TNXB: variants seen among roughly 807,000 people sequenced by gnomAD.
The protein encoded by TNXB is tenascin-X.
In TNXB, 183 loss-of-function variants were observed where a neutral mutation model predicts 340.5. That is an observed-to-expected ratio of 0.54 (90% CI 0.48 to 0.61). TNXB has a LOEUF of 0.61. TNXB is among the 20% of genes least tolerant of loss of function. The probability of loss-of-function intolerance (pLI) is 0.00; values close to 1 mark genes in which losing one functional copy is unlikely to be tolerated. For synonymous variants in TNXB, 2,121 were observed against 2,314.5 expected (o/e 0.92, Z 2.40); for missense variants, 4,613 against 5,446.4 (o/e 0.85, Z 4.82).
chr6:32,088,684 A>G (rs1388616310), intron 6 of TNXB, 101 bp downstream of exon 6: 2 of 1,470,176 alleles, frequency 1.4e-6, no homozygotes, highest in Non-Finnish European at 1.8e-6. Flanking sequence ...CACCTGCCAG[A>G]AGCATTCAGA....
Position 32,053,714 on chromosome 6 carries a change from G to A in TNXB, c.8468-3C>T, listed in dbSNP as rs763771240. ...GGTCTCTGCTTCATCCTCTGGAGCT[G>A]GACAGACACGTGTGGGGAGAGTGAG... On this transcript the variant is annotated splice_region_variant and splice_polypyrimidine_tract_variant and intron_variant, in intron 24 of 43. Coordinates refer to ENST00000644971, the MANE Select transcript of TNXB (RefSeq NM_001365276.2). 1.2e-6 allele frequency: 2 copies of A among 1,610,130 alleles called. No individual in the cohort carries two copies. The highest frequency in any genetic ancestry group is 2.2e-5 in the East Asian group (1 of 44,806).
rs999457867 is a variant in TNXB, at chr6:32,067,636, A to G, written c.6544+25T>C. The G allele has an allele frequency of 6.2e-7, 1 of 1,605,196 alleles. No individual in the cohort carries two copies. Among genetic ancestry groups the G allele is most frequent in the African/African-American group, 1.3e-5 (1 of 74,550 alleles). ...GCTGTACTTTGCTAAGACCCAACCC[A>G]GAGGGCTCTGCAGTGCACACTCACC... On this transcript the variant is annotated intron_variant, in intron 18 of 43. Transcript: ENST00000644971. This position sits in a 1 kb window ranked among gnomAD's most constrained non-coding sequence, Gnocchi z 4.2.
At position 32,053,353 on chromosome 6, in the gene TNXB, C is replaced by T. The variant is rs11969759; in HGVS notation, c.8791+35G>A. The T allele has an allele frequency of 0.067, 107,819 of 1,598,890 alleles. 4,558 individuals are homozygous for T. Among genetic ancestry groups the T allele is most frequent in the African/African-American group, 0.16 (12,134 of 74,666 alleles). On this transcript the variant is annotated intron_variant, in intron 25 of 43. Coordinates refer to ENST00000644971, the MANE Select transcript of TNXB (RefSeq NM_001365276.2). Reference sequence around the variant, plus strand: ...CACCAGAGAAAGGGAGACCCTCCCACAGGCCCCACTCTGGGGCTCCCATCG... The same window carrying T: ...CACCAGAGAAAGGGAGACCCTCCCATAGGCCCCACTCTGGGGCTCCCATCG...
intron 11 of TNXB, chr6:32,078,730 T>C: frequency 2.6e-6 from 1 of 389,744 alleles, no homozygotes; most frequent in Non-Finnish European, 4.6e-6. Flanking sequence ...ACTGGCAGCA[T>C]ATTTACTTTT....
chr6:32,059,947 C>T (rs1013331838), intron 21 of TNXB, among the ~76,000 whole-genome samples: 1 of 152,022 alleles, frequency 6.6e-6, no homozygotes, highest in Non-Finnish European at 1.5e-5. Context: ...GAAAAGGCAG[C>T]CTGACTGAGC....
rs1426864732 is a variant in TNXB at position 32,096,864 on chromosome 6, G to T, written c.989C>A (p.Pro330His). 1 of 1,607,998 alleles carries T rather than the reference G, an allele frequency of 6.2e-7. No homozygotes were observed. Residue 330 changes from proline to histidine, a missense_variant, in exon 3 of 44, where the codon CCC (proline) becomes CAC (histidine). By Grantham distance (77) the Pro-to-His change is moderately conservative. Around this residue, in one of 7 missense-constraint regions of TNXB, gnomAD observed 4,327 missense variants for 4,859.4 expected, o/e 0.89. Transcript: ENST00000644971. ...ACCACAGTCCTCGCCAGTGTAGCCG[G>T]GGTCACACACGCAGCGCCCGTCCTT... ...RCKDGRCVCD[P>H]GYTGEDCGTR... is the part of the protein sequence containing the mutation.
intron 6 of TNXB, 133 bp from the exon 7 acceptor site, chr6:32,086,251 C>T: frequency 3.7e-6 from 4 of 1,085,652 alleles, no homozygotes; most frequent in Admixed American, 3.0e-5. Flanking sequence ...CTCACCTGGG[C>T]CACTCCCTCC....
intron 3 of TNXB, among the ~76,000 whole-genome samples, 158 bp from the exon 4 acceptor site, chr6:32,095,349 C>A (rs1240564261): frequency 6.6e-6 from 1 of 152,128 alleles, no homozygotes; most frequent in Non-Finnish European, 1.5e-5. Context: ...GGGCTTGGAT[C>A]GCCTTCACCT....
rs1280219641 is a variant in TNXB at position 32,056,909 on chromosome 6, G to A, written c.7826-6C>T. 6.8e-6 allele frequency: 11 copies of A among 1,610,450 alleles called. No individual in the cohort carries two copies. Among genetic ancestry groups the A allele is most frequent in the Admixed American group, 3.3e-5 (2 of 59,960 alleles). On this transcript the variant is annotated splice_region_variant and splice_polypyrimidine_tract_variant and intron_variant, in intron 22 of 43. Transcript: ENST00000644971. Reference sequence around the variant, plus strand: ...GGTGGTCTCGGCTTCATCCTCTGGAGTTGGACAGACACGTGTGGGGACAGT... The same window carrying A: ...GGTGGTCTCGGCTTCATCCTCTGGAATTGGACAGACACGTGTGGGGACAGT...
At position 32,072,907 on chromosome 6, in the gene TNXB, C is replaced by T. The variant is rs1275429157; in HGVS notation, c.4682-609G>A. On this transcript the variant is annotated intron_variant, in intron 12 of 43. Coordinates refer to ENST00000644971, the MANE Select transcript of TNXB (RefSeq NM_001365276.2). This position sits in a 1 kb window ranked among gnomAD's most constrained non-coding sequence, Gnocchi z 4.4. ...CGGAGGTTGCAGTGAGCCGAGATCG[C>T]GCCATTGCACTCCAGCCTGGATGAC... 3.9e-5 allele frequency among the ~76,000 whole-genome samples: 6 copies of T among 152,278 alleles called. No homozygotes were observed. In the East Asian group the frequency reaches 7.7e-4, roughly 20 times the overall value.
Position 32,089,043 on chromosome 6 carries a change from C to T in TNXB, c.2521G>A (p.Asp841Asn), listed in dbSNP as rs975153087. 2.5e-6 allele frequency: 4 copies of T among 1,608,594 alleles called. No individual in the cohort carries two copies. The highest frequency in any genetic ancestry group is 3.4e-6 in the Non-Finnish European group (4 of 1,177,822). Reference sequence around the variant, plus strand: ...ACCACTCGGAGGTCCTGGGGCCCATCGATCACTAGCCAGGTTAAAGAGGAG... The same window carrying T: ...ACCACTCGGAGGTCCTGGGGCCCATTGATCACTAGCCAGGTTAAAGAGGAG... ...PASKTITTMI[D>N]GPQDLRVVAV... The change falls in exon 6 of 44, where the codon GAT (aspartate) becomes AAT (asparagine). Residue 841 changes from aspartate to asparagine, a missense_variant. Physicochemically the swap from Asp to Asn is conservative, Grantham distance 23. This residue lies in a region of TNXB where 4,327 missense variants were observed against 4,859.4 expected (regional missense o/e 0.89). Transcript: ENST00000644971. This position sits in a 1 kb window ranked among gnomAD's most constrained non-coding sequence, Gnocchi z 6.2.
Position 32,062,326 on chromosome 6 carries a change from G to A in TNXB, c.6999C>T (p.Phe2333=). Residue 2333 remains phenylalanine (F), a synonymous_variant, in exon 20 of 44, where the codon TTC becomes TTT. Transcript: ENST00000644971. This position sits in a 1 kb window ranked among gnomAD's most constrained non-coding sequence, Gnocchi z 4.3. ...WTVPEGQFDH[F]LVQYKNGDGQ... ...CATCCCCATTCTTGTACTGGACCAG[G>A]AAGTGGTCAAACTGTCCCTCGGGAA... 1 of 1,613,544 alleles carries A rather than the reference G, an allele frequency of 6.2e-7. No homozygotes were observed. Among genetic ancestry groups the A allele is most frequent in the Non-Finnish European group, 8.5e-7 (1 of 1,179,866 alleles).
Position 32,087,788 on chromosome 6 carries a change from G to A in TNXB, c.2779+997C>T. 2.0e-6 allele frequency: 1 copy of A among 510,836 alleles called. No homozygotes were observed. The highest frequency in any genetic ancestry group is 3.9e-6 in the Non-Finnish European group (1 of 257,288). The allele number at this position is 510,836 out of a possible 1,614,324, so 31.6% of individuals were successfully genotyped here. Reference sequence around the variant, plus strand: ...AGGTCCTGCACCGTGCCGCGGAAACGGCTCAGCTCGGCCGTCAGGTTGCCC... The same window carrying A: ...AGGTCCTGCACCGTGCCGCGGAAACAGCTCAGCTCGGCCGTCAGGTTGCCC... On this transcript the variant is annotated intron_variant, in intron 6 of 43. Transcript: ENST00000644971. The surrounding 1 kb of genome is among the most constrained non-coding windows in gnomAD (Gnocchi z 9.0).
chr6:32,091,479 G>A (rs576235835), intron 4 of TNXB, among the ~76,000 whole-genome samples: 1 of 141,162 alleles, frequency 7.1e-6, no homozygotes, highest in South Asian at 2.3e-4. Flanking sequence ...CTGCTTCACT[G>A]ATTTTTTTTT....
Position 32,055,923 on chromosome 6 carries a change from T to A in TNXB, c.8395A>T (p.Lys2799Ter), listed in dbSNP as rs1386279155. Residue 2799 changes from lysine to a stop codon, truncating the protein, a stop_gained, in exon 24 of 44, where the codon AAA becomes TAA. Transcript: ENST00000644971. LOFTEE classifies it high-confidence loss of function. ...AGGCCGTACAGGTGCATCTTGTATT[T>A]GCGCCCGGGCTCCAGGCCCCCCACG... Reference protein sequence around the residue: ...VTVGGLEPGRKYKMHLYGLHE... With the variant: ...VTVGGLEPGR 11 of 1,613,376 alleles carry A rather than the reference T, an allele frequency of 6.8e-6. No homozygotes were observed. Among genetic ancestry groups the A allele is most frequent in the Non-Finnish European group, 9.3e-6 (11 of 1,179,886 alleles).
rs777192122 is a variant in TNXB at position 32,056,836 on chromosome 6, C to T, written c.7893G>A (p.Leu2631=). The change falls in exon 23 of 44, where the codon CTG becomes CTA. Residue 2631 remains leucine, a synonymous_variant. Transcript: ENST00000644971. ...TGGCATCTGTCATGGTCAGCTCCCC[C>T]AGGCGAGGCTTGATGGGGGGCTCAG... ...MTPEPPIKPR[L]GELTMTDATP... is the part of the protein sequence containing the mutation. 3 of 1,612,880 alleles carry T rather than the reference C, an allele frequency of 1.9e-6. No homozygotes were observed. In the African/African-American group the frequency reaches 4.0e-5, roughly 22 times the overall value.
Position 32,079,065 on chromosome 6 carries a change from C to A in TNXB, c.4343G>T (p.Arg1448Leu), listed in dbSNP as rs760174312. The change falls in exon 11 of 44, where the codon CGC (arginine) becomes CTC (leucine). Residue 1448 changes from arginine to leucine, a missense_variant. Coordinates refer to ENST00000644971, the MANE Select transcript of TNXB (RefSeq NM_001365276.2). The surrounding 1 kb of genome is among the most constrained non-coding windows in gnomAD (Gnocchi z 7.1). The part of the protein sequence containing the change: ...MHLYGLHEGQ[R>L]VGPVSAVGVT... The stretch of plus-strand genomic sequence containing the variant: ...GCCCACGGCGGACACCGGGCCCACG[C>A]GCTGCCCCTCGTGGAGGCCGTACAG... 6.2e-7 allele frequency: 1 copy of A among 1,613,178 alleles called. No homozygotes were observed. Among genetic ancestry groups the A allele is most frequent in the Admixed American group, 1.7e-5 (1 of 59,984 alleles).
At chr6:32,055,709 A>T in intron 24 of TNXB, 142 bp downstream of exon 24, 1 of 1,261,318 alleles carries the variant, frequency 7.9e-7, no homozygotes, top group Non-Finnish European at 1.1e-6. Flanking sequence ...AAACCTGTTG[A>T]ACCCCAATCT....
Position 32,042,557 on chromosome 6 carries a change from G to A in TNXB, c.12108C>T (p.Asn4036=), listed in dbSNP as rs766412096. 6.8e-6 allele frequency: 11 copies of A among 1,608,094 alleles called. No homozygotes were observed. The highest frequency in any genetic ancestry group is 2.3e-5 in the East Asian group (1 of 44,286). ...FPRDCGEEMQ[N]GAGASRTSTI... ...TGCTGGTCCTGGAGGCACCGGCTCCGTTCTGCATCTCCTCCCCGCAGTCCC... is the reference window on the plus strand; with the variant it reads ...TGCTGGTCCTGGAGGCACCGGCTCCATTCTGCATCTCCTCCCCGCAGTCCC... The change falls in exon 40 of 44, where the codon AAC becomes AAT. Residue 4036 remains asparagine, a synonymous_variant. Transcript: ENST00000644971.
Sources: allele counts gnomAD v4.1 joint callset (sites outside exome capture counted in the v4.1 genomes callset), GRCh38; gene constraint gnomAD v4.1.1; regional missense constraint gnomAD v4.1.1; non-coding constraint Gnocchi (gnomAD v3.1); transcripts MANE v1.5; gene names NCBI Gene and HGNC (gene_info 2026-07-23, HGNC 2026-07-21).